The following GAS7 variants were observed in gnomAD, a reference collection of about 807,000 sequenced individuals.
The protein encoded by GAS7 is growth arrest-specific protein 7.
GAS7 carries 28 observed loss-of-function variants against 71.1 expected under a neutral mutation model. The ratio of observed to expected loss-of-function variants is 0.39; its 90% CI spans 0.29 to 0.54. The LOEUF (loss-of-function observed/expected upper bound fraction) is 0.54. GAS7 is among the 20% of genes least tolerant of loss of function. The probability of loss-of-function intolerance (pLI) is 0.62; values close to 1 mark genes in which losing one functional copy is unlikely to be tolerated. For missense variants in GAS7, 436 were observed against 627.8 expected, an observed-to-expected ratio of 0.69 and a Z score of 3.27; for synonymous variants, 258 against 245.8, an observed-to-expected ratio of 1.05 and a Z score of -0.46.
intron 1 of GAS7, among the ~76,000 whole-genome samples, chr17:10,167,435 T>C (rs1214655207): frequency 2.2e-4 from 34 of 152,256 alleles, no homozygotes; most frequent in Admixed American, 6.5e-5. Context: ...GAAAAAAATA[T>C]AAACCTCACG....
At position 10,007,848 on chromosome 17, in the gene GAS7, T is replaced by G. The variant is rs372767031; in HGVS notation, c.304+11929A>C. ...CTACCTAATTTTAAAACATTTTTAT[T>G]GTCTCAAAAAGAAACCCTGTACCCA... On this transcript the variant is annotated intron_variant, in intron 2 of 13. Coordinates refer to ENST00000432992, the MANE Select transcript of GAS7 (RefSeq NM_201433.2). Among the ~76,000 whole-genome samples, 66 of 152,250 alleles carry G rather than the reference T, an allele frequency of 4.3e-4. 1 individual carries two copies. In the South Asian group the frequency reaches 0.013, roughly 31 times the overall value.
chr17:10,179,283 C>T (rs8078512), intron 1 of GAS7, among the ~76,000 whole-genome samples: 32,356 of 151,454 alleles, frequency 0.21, 3,802 homozygotes, highest in Non-Finnish European at 0.26. Flanking sequence ...GAGCCGAGAT[C>T]GATCGTTCCA....
chr17:10,033,072 G>A (rs2072661101), intron 1 of GAS7, among the ~76,000 whole-genome samples: 1 of 152,184 alleles, frequency 6.6e-6, no homozygotes, highest in African/African-American at 2.4e-5. Context: ...AGTTGAGCTA[G>A]TACTTTTCTC....
chr17:9,952,614 A>G (rs1251050476), intron 5 of GAS7, among the ~76,000 whole-genome samples: 1 of 151,994 alleles, frequency 6.6e-6, no homozygotes, highest in African/African-American at 2.4e-5. Context: ...CTGGTCTCGA[A>G]CTCCTGACCT....
At chr17:10,051,138 C>T (rs2073056323) in intron 1 of GAS7, among the ~76,000 whole-genome samples, 1 of 152,200 alleles carries the variant, frequency 6.6e-6, no homozygotes, top group Non-Finnish European at 1.5e-5. Context: ...TTCTTTCCCA[C>T]ATAGGAAAAT....
chr17:9,985,576 T>TTCTTCCCCAGACTC (rs2070615030), intron 2 of GAS7, among the ~76,000 whole-genome samples: 1 of 152,304 alleles, frequency 6.6e-6, no homozygotes, highest in South Asian at 2.1e-4. Context: ...CTGCAAAGAG[T>TTCTTCCCCAGACTC]TCTTCCCCAG....
At chr17:10,188,471 T>C (rs1404828626) in intron 1 of GAS7, among the ~76,000 whole-genome samples, 2 of 152,172 alleles carry the variant, frequency 1.3e-5, no homozygotes, top group Non-Finnish European at 1.5e-5. Context: ...AATTGTACAG[T>C]GCCAAATGGT....
At chr17:9,993,781 C>T (rs955261314) in intron 2 of GAS7, among the ~76,000 whole-genome samples, 4 of 150,888 alleles carry the variant, frequency 2.7e-5, no homozygotes, top group African/African-American at 9.7e-5. Flanking sequence ...CTAGAAAACC[C>T]CATTGTCTCA....
At chr17:10,098,883 T>G (rs1289531881) in intron 1 of GAS7, among the ~76,000 whole-genome samples, 1 of 152,042 alleles carries the variant, frequency 6.6e-6, no homozygotes, top group Non-Finnish European at 1.5e-5. Context: ...GTGAACCCGG[T>G]AGGCGGAGCT....
chr17:10,140,918 C>T (rs998512862), intron 1 of GAS7, among the ~76,000 whole-genome samples: 1 of 152,254 alleles, frequency 6.6e-6, no homozygotes, highest in Non-Finnish European at 1.5e-5. Context: ...CCACACTGGC[C>T]ACTATGCCTC....
At chr17:10,048,960 C>G (rs1270226627) in intron 1 of GAS7, among the ~76,000 whole-genome samples, 3 of 152,230 alleles carry the variant, frequency 2.0e-5, no homozygotes, top group Non-Finnish European at 4.4e-5. Context: ...TCATTCACCT[C>G]CTTTTCTGCT....
chr17:10,111,393 C>T (rs1473591131), intron 1 of GAS7, among the ~76,000 whole-genome samples: 1 of 151,946 alleles, frequency 6.6e-6, no homozygotes, highest in Non-Finnish European at 1.5e-5. Context: ...AATAGCCAGG[C>T]GTGGTGTCGT....
intron 2 of GAS7, among the ~76,000 whole-genome samples, chr17:9,993,965 A>G (rs2070940246): frequency 6.6e-6 from 1 of 151,522 alleles, no homozygotes; most frequent in Non-Finnish European, 1.5e-5. Flanking sequence ...TAGGAATCCA[A>G]CTTACAAGGG....
chr17:9,922,894 T>C (rs1442502401), intron 11 of GAS7, among the ~76,000 whole-genome samples: 1 of 152,216 alleles, frequency 6.6e-6, no homozygotes, highest in Non-Finnish European at 1.5e-5. Flanking sequence ...TATTTCACTG[T>C]CTTTTTTTGT....
At chr17:10,167,532 TC>T (rs139865221) in intron 1 of GAS7, among the ~76,000 whole-genome samples, 7,552 of 152,262 alleles carry the variant, frequency 0.05, 245 homozygotes, top group South Asian at 0.096. Flanking sequence ...TTGGCTCATA[TC>T]CCCTTCGTAA....
intron 1 of GAS7, among the ~76,000 whole-genome samples, chr17:10,161,438 G>A (rs151150854): frequency 2.6e-5 from 4 of 152,196 alleles, no homozygotes; most frequent in African/African-American, 4.8e-5. Flanking sequence ...TGGAAGTGTC[G>A]TTACCAGAAG....
At chr17:10,179,300 T>G (rs2074397095) in intron 1 of GAS7, among the ~76,000 whole-genome samples, 1 of 151,422 alleles carries the variant, frequency 6.6e-6, no homozygotes, top group East Asian at 1.9e-4. Context: ...TCCATTGCAC[T>G]CCAGCCTGGG....
intron 1 of GAS7, among the ~76,000 whole-genome samples, chr17:10,042,219 T>C (rs927991009): frequency 1.4e-5 from 2 of 144,582 alleles, no homozygotes; most frequent in African/African-American, 2.6e-5. Flanking sequence ...CACTTGAACC[T>C]GGGAGGCAGA....
In GAS7 at chr17:10,031,471, C is replaced by T. The variant is rs559771896; in HGVS notation, c.184-11574G>A. 1.8e-4 allele frequency among the ~76,000 whole-genome samples: 28 copies of T among 152,334 alleles called. No individual in the cohort carries two copies. In the South Asian group the frequency reaches 5.0e-3, roughly 27 times the overall value. On this transcript the variant is annotated intron_variant, in intron 1 of 13. Coordinates refer to ENST00000432992, the MANE Select transcript of GAS7 (RefSeq NM_201433.2). The stretch of plus-strand genomic sequence containing the variant: ...AAAGATTTGCAAATGATCCTGCAAA[C>T]TGCAAGGATGAGTTGGACGGCCCCT...
Sources: allele counts gnomAD v4.1 joint callset (sites outside exome capture counted in the v4.1 genomes callset), GRCh38; gene constraint gnomAD v4.1.1; transcripts MANE v1.5; gene names NCBI Gene and HGNC (gene_info 2026-07-23, HGNC 2026-07-21).